CACNA2D3: variants seen among roughly 807,000 people sequenced by gnomAD.
CACNA2D3 encodes the protein voltage-dependent calcium channel subunit alpha-2/delta-3.
CACNA2D3 carries 60 observed loss-of-function variants against 160.6 expected under a neutral mutation model. The ratio of observed to expected loss-of-function variants is 0.37; its 90% CI spans 0.30 to 0.46. The LOEUF is 0.46. Among genes scored for constraint, CACNA2D3 ranks in the 20% least tolerant of loss-of-function variants. CACNA2D3 has a pLI of 1.00. For synonymous variants in CACNA2D3, 558 were observed against 492.9 expected, an observed-to-expected ratio of 1.13 and a Z score of -1.75; for missense variants, 1,205 against 1,365.0, an observed-to-expected ratio of 0.88 and a Z score of 1.85.
intron 28 of CACNA2D3, 22 bp downstream of exon 28, chr3:54,968,533 GA>G: frequency 6.3e-7 from 1 of 1,588,430 alleles, no homozygotes; most frequent in Admixed American, 1.7e-5. Flanking sequence ...TCAGCATCTT[GA>G]AGCATTAGCG....
In CACNA2D3 at chr3:55,074,267, A is replaced by AAAC. The variant is rs375012213; in HGVS notation, c.*62_*64dup. 9.3e-4 allele frequency: 1,287 copies of AAAC among 1,387,966 alleles called. 7 individuals are homozygous for AAAC. Among genetic ancestry groups the AAAC allele is most frequent in the African/African-American group, 6.8e-3 (480 of 70,562 alleles). The allele number at this position is 1,387,966 out of a possible 1,614,324, so 86.0% of individuals were successfully genotyped here. On this transcript the variant is annotated 3_prime_UTR_variant, in exon 38 of 38. Coordinates refer to ENST00000474759, the MANE Select transcript of CACNA2D3 (RefSeq NM_018398.3). ...TCTCTTGGCATGCTAAATCATGGAT[A>AAAC]AACTGTGAACCAAAATATGGTGCAA...
intron 3 of CACNA2D3, among the ~76,000 whole-genome samples, chr3:54,379,190 T>C (rs1559465378): frequency 6.6e-6 from 1 of 152,234 alleles, no homozygotes; most frequent in Non-Finnish European, 1.5e-5. Flanking sequence ...ATAGATTAGC[T>C]TTTATAATCC....
rs183311939 is a variant in CACNA2D3 at position 54,979,162 on chromosome 3, T to A, written c.2557-5446T>A. ...TTCTTCTCCTCTTGAGGTCCCAAAA[T>A]AACTTGGGGCTCCTGGGCCTTTCAG... On this transcript the variant is annotated intron_variant, in intron 29 of 37. Transcript: ENST00000474759. Among the ~76,000 whole-genome samples the A allele has an allele frequency of 3.5e-3, 529 of 152,312 alleles. 3 individuals are homozygous for A. Among genetic ancestry groups the A allele is most frequent in the African/African-American group, 0.012 (501 of 41,564 alleles).
chr3:54,913,820 G>A (rs1374439713), intron 27 of CACNA2D3, among the ~76,000 whole-genome samples: 4 of 152,288 alleles, frequency 2.6e-5, no homozygotes, highest in East Asian at 3.9e-4. Context: ...GTGGTGTGAC[G>A]TTGAGCAAAT....
intron 2 of CACNA2D3, among the ~76,000 whole-genome samples, chr3:54,144,437 C>T (rs1162408997): frequency 1.3e-5 from 2 of 152,234 alleles, no homozygotes; most frequent in African/African-American, 2.4e-5. Flanking sequence ...ACTTCATCAG[C>T]GCTCTCCATT....
At chr3:54,885,691 G>A (rs1289134081) in intron 23 of CACNA2D3, 105 bp downstream of exon 23, 39 of 743,406 alleles carry the variant, frequency 5.2e-5, no homozygotes, top group Non-Finnish European at 8.5e-5. Flanking sequence ...TGCTTTGGCA[G>A]AGATTATCAG....
At chr3:54,147,514 C>T (rs1317368469) in intron 2 of CACNA2D3, among the ~76,000 whole-genome samples, 1 of 152,218 alleles carries the variant, frequency 6.6e-6, no homozygotes, top group Non-Finnish European at 1.5e-5. Flanking sequence ...AGTGGTATCC[C>T]ATGGTAGAAA....
chr3:54,888,174 C>G (rs552726803), intron 24 of CACNA2D3, 122 bp downstream of exon 24: 3 of 776,976 alleles, frequency 3.9e-6, no homozygotes, highest in Non-Finnish European at 6.5e-6. Flanking sequence ...TAATTTTCCC[C>G]CAAGCTCCAA....
At chr3:54,206,235 A>G (rs1268244009) in intron 2 of CACNA2D3, among the ~76,000 whole-genome samples, 1 of 152,240 alleles carries the variant, frequency 6.6e-6, no homozygotes, top group African/African-American at 2.4e-5. Flanking sequence ...GTAAAGAAAG[A>G]GTCCTAGAAA....
intron 5 of CACNA2D3, among the ~76,000 whole-genome samples, chr3:54,545,558 A>G (rs150862703): frequency 6.6e-6 from 1 of 152,160 alleles, no homozygotes; most frequent in African/African-American, 2.4e-5. Context: ...ACATCCCAAG[A>G]GATCTGTGTC....
At chr3:54,237,392 C>T (rs943739879) in intron 2 of CACNA2D3, among the ~76,000 whole-genome samples, 2 of 152,168 alleles carry the variant, frequency 1.3e-5, no homozygotes, top group African/African-American at 4.8e-5. Context: ...CCACCTAGAT[C>T]TACCTAGGGA....
intron 32 of CACNA2D3, among the ~76,000 whole-genome samples, chr3:55,005,705 T>A (rs1415924349): frequency 6.6e-6 from 1 of 152,126 alleles, no homozygotes; most frequent in African/African-American, 2.4e-5. Flanking sequence ...TACTCCCAAA[T>A]TAAAAATATA....
At chr3:54,840,291 C>T (rs1376162333) in intron 16 of CACNA2D3, among the ~76,000 whole-genome samples, 1 of 151,916 alleles carries the variant, frequency 6.6e-6, no homozygotes, top group South Asian at 2.1e-4. Context: ...GGCATTATCT[C>T]GCTTACTAAG....
At chr3:54,996,611 T>C (rs1702864103) in intron 31 of CACNA2D3, among the ~76,000 whole-genome samples, 1 of 152,176 alleles carries the variant, frequency 6.6e-6, no homozygotes, top group Non-Finnish European at 1.5e-5. Flanking sequence ...CACACTTGTT[T>C]ATCAAATCAG....
intron 2 of CACNA2D3, among the ~76,000 whole-genome samples, chr3:54,188,877 T>C (rs931888544): frequency 1.3e-5 from 2 of 152,228 alleles, no homozygotes; most frequent in Non-Finnish European, 2.9e-5. Context: ...ATTTAGTACT[T>C]GGCAGACCCC....
intron 18 of CACNA2D3, among the ~76,000 whole-genome samples, chr3:54,873,247 G>C (rs531359230): frequency 6.6e-6 from 1 of 152,060 alleles, no homozygotes; most frequent in Non-Finnish European, 1.5e-5. Context: ...GGTAGCCATT[G>C]TTAGTATTAT....
At chr3:54,235,898 G>A (rs1291322302) in intron 2 of CACNA2D3, among the ~76,000 whole-genome samples, 1 of 152,178 alleles carries the variant, frequency 6.6e-6, no homozygotes, top group Admixed American at 6.5e-5. Flanking sequence ...GAAAGGAAGG[G>A]GGAAAAGAGT....
At chr3:54,573,053 A>G (rs11715791) in intron 8 of CACNA2D3, among the ~76,000 whole-genome samples, 8 of 151,922 alleles carry the variant, frequency 5.3e-5, no homozygotes, top group East Asian at 1.9e-4. Flanking sequence ...AAGAAAAAAA[A>G]TTTTTTTACC....
At chr3:54,472,702 A>G (rs1700755311) in intron 4 of CACNA2D3, among the ~76,000 whole-genome samples, 1 of 152,238 alleles carries the variant, frequency 6.6e-6, no homozygotes, top group Admixed American at 6.5e-5. Flanking sequence ...AGGATACAAA[A>G]TCAATGTGCA....
Sources: gnomAD v4.1 joint callset for allele counts (sites outside exome capture counted in the v4.1 genomes callset) on GRCh38, gnomAD v4.1.1 for gene constraint, MANE v1.5 for transcripts, NCBI Gene and HGNC (gene_info 2026-07-23, HGNC 2026-07-21) for gene names.